Variants in PEAK1 observed in about 807,000 individuals in gnomAD.
The protein encoded by PEAK1 is inactive tyrosine-protein kinase PEAK1.
PEAK1 carries 54 observed loss-of-function variants against 124.7 expected under a neutral mutation model. The ratio of observed to expected loss-of-function variants is 0.43; its 90% confidence interval spans 0.35 to 0.54. The LOEUF (loss-of-function observed/expected upper bound fraction) is 0.54, where lower values mean the gene tolerates loss of function less well. Ranked by LOEUF, PEAK1 falls within the 20% of genes least tolerant of loss-of-function variation. The pLI, the probability that PEAK1 is intolerant of heterozygous loss-of-function variation, is 0.01. For missense variants in PEAK1, 2,046 were observed against 2,134.5 expected, an observed-to-expected ratio of 0.96 and a Z score of 0.82; for synonymous variants, 719 against 760.0, an observed-to-expected ratio of 0.95 and a Z score of 0.89.
intron 5 of PEAK1, among the ~76,000 whole-genome samples, chr15:77,258,209 G>A (rs568219200): frequency 2.5e-4 from 38 of 152,266 alleles, no homozygotes; most frequent in South Asian, 6.2e-4. Flanking sequence ...TTGGCAATGC[G>A]GGCTCTTTTT....
At chr15:77,138,185 T>C (rs1179320484) in intron 8 of PEAK1, among the ~76,000 whole-genome samples, 1 of 152,106 alleles carries the variant, frequency 6.6e-6, no homozygotes, top group African/African-American at 2.4e-5. Context: ...AGCGTGAAAA[T>C]GGACTAACAC....
chr15:77,403,795 TA>T, intron 1 of PEAK1: 4 of 978,928 alleles, frequency 4.1e-6, no homozygotes, highest in South Asian at 9.4e-5. Context: ...AAACTCAATT[TA>T]AAAAAAAGCT....
At chr15:77,177,939 A>C (rs1452632630) in intron 7 of PEAK1, 1 of 152,202 alleles carries the variant, frequency 6.6e-6, no homozygotes, top group African/African-American at 2.4e-5. Context: ...AGAATGAGAG[A>C]TCGAGGTTTG....
chr15:77,403,666 GT>G, intron 1 of PEAK1: 1 of 884,154 alleles, frequency 1.1e-6, no homozygotes, highest in Non-Finnish European at 1.4e-6. Context: ...TCCCCCTTTA[GT>G]TTCCATTCAT....
chr15:77,263,527 C>T (rs2061551820), intron 5 of PEAK1, among the ~76,000 whole-genome samples: 1 of 152,114 alleles, frequency 6.6e-6, no homozygotes, highest in African/African-American at 2.4e-5. Context: ...AATTCCTCGA[C>T]ACCTACACCC....
chr15:77,190,777 A>G (rs1030873761), intron 6 of PEAK1, among the ~76,000 whole-genome samples: 1 of 152,256 alleles, frequency 6.6e-6, no homozygotes, highest in Non-Finnish European at 1.5e-5. Context: ...CCGTAGAAAG[A>G]AATGTGGCAT....
At chr15:77,394,098 C>A (rs1198820833) in intron 1 of PEAK1, among the ~76,000 whole-genome samples, 1 of 152,152 alleles carries the variant, frequency 6.6e-6, no homozygotes, top group Non-Finnish European at 1.5e-5. Context: ...TGAATGCCAG[C>A]TCAGCCGCAT....
At chr15:77,175,874 C>G (rs990233924) in intron 7 of PEAK1, among the ~76,000 whole-genome samples, 1 of 152,090 alleles carries the variant, frequency 6.6e-6, no homozygotes, top group Non-Finnish European at 1.5e-5. Flanking sequence ...CAACGATAGA[C>G]TGGATTAAGA....
rs2278698 is a variant in PEAK1, at chr15:77,113,018, C to A, written c.*1138G>T. Reference sequence around the variant, plus strand: ...GGCAGTCTCTCTAGAAGAGGTCAACCTTCTGAGGAGGTCAGCAGTCTCATC... The same window carrying A: ...GGCAGTCTCTCTAGAAGAGGTCAACATTCTGAGGAGGTCAGCAGTCTCATC... On this transcript the variant is annotated 3_prime_UTR_variant, in exon 10 of 10. Transcript: ENST00000682557. The A allele has an allele frequency of 0.99, 151,052 of 152,354 alleles. 74,914 individuals carry two copies. Among genetic ancestry groups the A allele is most frequent in the Middle Eastern group, 1 (294 of 294 alleles). The allele number at this position is 152,354 out of a possible 1,614,324, so 9.4% of individuals were successfully genotyped here.
Position 77,114,024 on chromosome 15 carries a change from C to T in PEAK1, c.*132G>A, listed in dbSNP as rs2051136385. 1.1e-6 allele frequency: 1 copy of T among 932,026 alleles called. No homozygotes were observed. The highest frequency in any genetic ancestry group is 1.7e-6 in the Non-Finnish European group (1 of 605,854). 57.7% of individuals were successfully genotyped at this position (932,026 alleles called of 1,614,324 possible). A position where few individuals can be genotyped will look rare whatever the true frequency, so the allele number is the denominator to read the frequency against. On this transcript the variant is annotated 3_prime_UTR_variant, in exon 10 of 10. Transcript: ENST00000682557. ...AGTGGATAACCTTTCTGAATAGACC[C>T]ACTTGTTCACGGACAGGGATAGAGG...
rs918782996 is a variant in PEAK1, at chr15:77,236,098, C to T, written c.-115+16269G>A. 6.6e-5 allele frequency among the ~76,000 whole-genome samples: 10 copies of T among 152,194 alleles called. No homozygotes were observed. In the East Asian group the frequency reaches 7.7e-4, roughly 12 times the overall value. ...CTGCTAGGGCAGTGTGGAAAGGAAA[C>T]GTGGGGTTGGAGTCTCCACACAGAG... On this transcript the variant is annotated intron_variant, in intron 6 of 9. Coordinates refer to ENST00000682557, the MANE Select transcript of PEAK1 (RefSeq NM_001385026.1).
intron 5 of PEAK1, among the ~76,000 whole-genome samples, chr15:77,274,791 G>T (rs1006800276): frequency 7.9e-5 from 12 of 151,934 alleles, no homozygotes; most frequent in Admixed American, 2.6e-4. Context: ...TTTACCATTT[G>T]ATCCAACAAT....
chr15:77,418,642 C>CTATTA (rs2073085456), intron 1 of PEAK1: 13 of 985,210 alleles, frequency 1.3e-5, no homozygotes, highest in Non-Finnish European at 1.4e-5. Context: ...TAATTAGGGT[C>CTATTA]GTCAGTGAAT....
intron 2 of PEAK1, among the ~76,000 whole-genome samples, chr15:77,319,223 G>T (rs1310771246): frequency 6.7e-6 from 1 of 150,348 alleles, no homozygotes; most frequent in African/African-American, 2.4e-5. Flanking sequence ...GCAAACGGAA[G>T]GTAAGAAATA....
intron 7 of PEAK1, among the ~76,000 whole-genome samples, chr15:77,163,828 C>A (rs983422877): frequency 6.6e-6 from 1 of 152,128 alleles, no homozygotes; most frequent in Non-Finnish European, 1.5e-5. Flanking sequence ...TAGTTGCCCA[C>A]GACAGCCAAT....
chr15:77,203,419 A>G (rs570923136), intron 6 of PEAK1, among the ~76,000 whole-genome samples: 1 of 152,340 alleles, frequency 6.6e-6, no homozygotes, highest in East Asian at 1.9e-4. Flanking sequence ...GAATACAATG[A>G]TGAAGTTTTA....
At chr15:77,144,147 T>C (rs1430447277) in intron 8 of PEAK1, among the ~76,000 whole-genome samples, 1 of 152,230 alleles carries the variant, frequency 6.6e-6, no homozygotes, top group East Asian at 1.9e-4. Context: ...GAAGAACGGC[T>C]GATCGTGTGA....
intron 1 of PEAK1, chr15:77,419,515 A>G: frequency 2.0e-6 from 2 of 985,052 alleles, no homozygotes; most frequent in Non-Finnish European, 2.4e-6. Context: ...CTCCGTCCCG[A>G]CGCTGCCGGC....
intron 6 of PEAK1, among the ~76,000 whole-genome samples, chr15:77,229,649 C>CTTT (rs200956203): frequency 1.4e-5 from 2 of 138,966 alleles, no homozygotes; most frequent in African/African-American, 5.2e-5. Flanking sequence ...TCTTTTCTTT[C>CTTT]TTTTTTTTTT....
Sources: allele counts gnomAD v4.1 joint callset (sites outside exome capture counted in the v4.1 genomes callset), GRCh38; gene constraint gnomAD v4.1.1; transcripts MANE v1.5; gene names NCBI Gene and HGNC (gene_info 2026-07-23, HGNC 2026-07-21).